CHRNA1: variants seen among roughly 807,000 people sequenced by gnomAD.
CHRNA1 encodes the protein cholinergic receptor nicotinic alpha 1 subunit, also known as acetylcholine receptor subunit alpha.
Under a neutral mutation model 47.1 loss-of-function variants are expected in CHRNA1, and 35 were observed. That is an observed-to-expected ratio of 0.74 (90% CI 0.57 to 0.99). The LOEUF (loss-of-function observed/expected upper bound fraction) is 0.99, where lower values mean the gene tolerates loss of function less well. CHRNA1 is among the 50% of genes least tolerant of loss of function. The pLI is 0.00. For missense variants in CHRNA1, 506 were observed against 591.1 expected (o/e 0.86, Z 1.49); for synonymous variants, 229 against 223.6 (o/e 1.02, Z -0.22).
Position 174,754,243 on chromosome 2 carries a change from G to A in CHRNA1, c.516C>T (p.Asp172=), listed in dbSNP as rs777255132. The change falls in exon 5 of 9, where the codon GAC becomes GAT. Residue 172 remains aspartate (D), a synonymous_variant. Transcript: ENST00000348749. ...CCGGGTTGATGGCCACGACAGAGCC[G>A]TCGTAGGTCCAGGTGCCCAGCTTCA... is the stretch of plus-strand genomic sequence containing the variant. ...CSMKLGTWTY[D]GSVVAINPES... is the part of the protein sequence containing the mutation. 39 of 1,613,696 alleles carry A rather than the reference G, an allele frequency of 2.4e-5. No individual in the cohort carries two copies. Among genetic ancestry groups the A allele is most frequent in the African/African-American group, 1.2e-4 (9 of 74,924 alleles).
At chr2:174,764,261 C>A in intron 1 of CHRNA1, 91 bp downstream of exon 1, 3 of 1,357,046 alleles carry the variant, frequency 2.2e-6, no homozygotes, top group Non-Finnish European at 2.1e-6. Context: ...ATTCTGTGGT[C>A]TCATCAAAGA....
intron 1 of CHRNA1, among the ~76,000 whole-genome samples, chr2:174,761,703 A>G (rs895465170): frequency 6.6e-6 from 1 of 152,166 alleles, no homozygotes; most frequent in Non-Finnish European, 1.5e-5. Flanking sequence ...CCCTAAAGCC[A>G]CCTGCATTTG....
rs531470403 is a variant in CHRNA1, at chr2:174,747,859, T to G, written c.*265A>C. 3 of 431,228 alleles carry G rather than the reference T, an allele frequency of 7.0e-6. No homozygotes were observed. The highest frequency in any genetic ancestry group is 6.0e-5 in the African/African-American group (3 of 49,838). The allele number at this position is 431,228 out of a possible 1,614,324, so 26.7% of individuals were successfully genotyped here. A position where few individuals can be genotyped will look rare whatever the true frequency, so the allele number is the denominator to read the frequency against. ...TCCTGGCAAAAACTCTTCCAGACACTGGAAATGAACACTTTTTTTAGTGAT... is the reference window on the plus strand; with the variant it reads ...TCCTGGCAAAAACTCTTCCAGACACGGGAAATGAACACTTTTTTTAGTGAT... On this transcript the variant is annotated 3_prime_UTR_variant, in exon 9 of 9. Coordinates refer to ENST00000348749, the MANE Select transcript of CHRNA1 (RefSeq NM_000079.4).
chr2:174,750,180 C>A lies in CHRNA1; in HGVS notation c.779-11G>T, dbSNP rs1249456161. On this transcript the variant is annotated splice_polypyrimidine_tract_variant and intron_variant, in intron 6 of 8. Coordinates refer to ENST00000348749, the MANE Select transcript of CHRNA1 (RefSeq NM_000079.4). ...GAGTCATCTTCTCCCCTGAAAAGAC[C>A]AAAAAAAAAAAAAAAAATCCCACAA... The A allele has an allele frequency of 1.1e-4, 162 of 1,431,116 alleles. No individual in the cohort carries two copies. Among genetic ancestry groups the A allele is most frequent in the Admixed American group, 6.3e-4 (34 of 53,772 alleles). 88.7% of individuals were successfully genotyped at this position (1,431,116 alleles called of 1,614,324 possible). A position where few individuals can be genotyped will look rare whatever the true frequency, so the allele number is the denominator to read the frequency against.
At chr2:174,757,789 A>C (rs931089343) in intron 3 of CHRNA1, 114 bp from the exon 4 acceptor site, 1 of 1,092,754 alleles carries the variant, frequency 9.2e-7, no homozygotes, top group Non-Finnish European at 1.4e-6. Flanking sequence ...TTGTGCTTCC[A>C]TAAGAAAAGT....
rs555234118 is a variant in CHRNA1, at chr2:174,758,975, A to G, written c.234+356T>C. 9.2e-5 allele frequency among the ~76,000 whole-genome samples: 14 copies of G among 152,258 alleles called. No homozygotes were observed. In the East Asian group the frequency reaches 2.3e-3, roughly 25 times the overall value. ...CATCTGAACATAAAGACAGTCATCT[A>G]CAAGCTGAAGAGAGAGTCCTAGGAC... On this transcript the variant is annotated intron_variant, in intron 3 of 8. Transcript: ENST00000348749.
At chr2:174,748,917 T>TCA in intron 7 of CHRNA1, 98 bp from the exon 8 acceptor site, 1 of 1,517,150 alleles carries the variant, frequency 6.6e-7, no homozygotes, top group Non-Finnish European at 8.9e-7. Flanking sequence ...GGTAAGTCAT[T>TCA]CAGTTTTTCT....
intron 1 of CHRNA1, among the ~76,000 whole-genome samples, chr2:174,760,790 G>A (rs1432643807): frequency 6.6e-6 from 1 of 152,172 alleles, no homozygotes. Flanking sequence ...TTAAAATAGA[G>A]TGAAAACTGT....
intron 8 of CHRNA1, 144 bp downstream of exon 8, chr2:174,748,435 TG>T: frequency 1.5e-6 from 2 of 1,356,168 alleles, no homozygotes; most frequent in Non-Finnish European, 2.0e-6. Context: ...CTTACTAAGG[TG>T]GTCTAGAGGC....
In CHRNA1 at chr2:174,747,828, C is replaced by T. The variant is rs765084448; in HGVS notation, c.*296G>A. On this transcript the variant is annotated 3_prime_UTR_variant, in exon 9 of 9. Transcript: ENST00000348749. ...GCAATGACAATGCAACAGAAAACCT[C>T]GGTTATCCTGGCAAAAACTCTTCCA... 2.4e-5 allele frequency: 9 copies of T among 373,652 alleles called. No homozygotes were observed. Among genetic ancestry groups the T allele is most frequent in the Admixed American group, 7.6e-5 (2 of 26,248 alleles). 23.1% of individuals were successfully genotyped at this position (373,652 alleles called of 1,614,324 possible).
chr2:174,747,771 T>C lies in CHRNA1; in HGVS notation c.*353A>G. 1 of 316,366 alleles carries C rather than the reference T, an allele frequency of 3.2e-6. No individual in the cohort carries two copies. Among genetic ancestry groups the C allele is most frequent in the Non-Finnish European group, 6.2e-6 (1 of 162,290 alleles). 19.6% of individuals were successfully genotyped at this position (316,366 alleles called of 1,614,324 possible). On this transcript the variant is annotated 3_prime_UTR_variant, in exon 9 of 9. Transcript: ENST00000348749. ...AGCAACTCCCTAGTGGTCTCGTGGT[T>C]AGACAAAATAAGTAAATATATAAAT...
intron 6 of CHRNA1, 63 bp downstream of exon 6, chr2:174,753,439 TC>T: frequency 6.9e-7 from 1 of 1,450,622 alleles, no homozygotes; most frequent in South Asian, 1.1e-5. Flanking sequence ...ATTTCTGGCT[TC>T]CCCAAAATAG....
At position 174,750,345 on chromosome 2, in the gene CHRNA1, TG is replaced by T. The variant is rs1228123402; in HGVS notation, c.779-177del. Among the ~76,000 whole-genome samples, 3 of 152,018 alleles carry T rather than the reference TG, an allele frequency of 2.0e-5. No homozygotes were observed. The East Asian group carries it at 5.8e-4, about 29-fold the overall frequency. ...GTAATTAAATGAAAACGAGGTGATA[TG>T]GGGTAGTGAGTAATCAAGTATGACT... On this transcript the variant is annotated intron_variant, in intron 6 of 8. Coordinates refer to ENST00000348749, the MANE Select transcript of CHRNA1 (RefSeq NM_000079.4).
chr2:174,759,321 G>C lies in CHRNA1; in HGVS notation c.234+10C>G. On this transcript the variant is annotated intron_variant, in intron 3 of 8. Coordinates refer to ENST00000348749, the MANE Select transcript of CHRNA1 (RefSeq NM_000079.4). ...AAAACGACACACATGCAATTATCTG[G>C]CTAAGTTACCTGTTTCAGACGCACA... is the stretch of plus-strand genomic sequence containing the variant. 1 of 1,613,844 alleles carries C rather than the reference G, an allele frequency of 6.2e-7. No individual in the cohort carries two copies. Among genetic ancestry groups the C allele is most frequent in the Non-Finnish European group, 8.5e-7 (1 of 1,179,792 alleles).
chr2:174,757,995 G>A (rs749874154), intron 3 of CHRNA1: 4 of 1,613,338 alleles, frequency 2.5e-6, no homozygotes, highest in Middle Eastern at 1.7e-4. Flanking sequence ...CACGCAGCTG[G>A]GGCGTGGCAG....
At position 174,748,066 on chromosome 2, in the gene CHRNA1, C is replaced by T. The variant is rs1400097821; in HGVS notation, c.*58G>A. The T allele has an allele frequency of 3.1e-6, 5 of 1,607,946 alleles. No homozygotes were observed. The African/African-American group carries it at 6.7e-5, about 21-fold the overall frequency. ...GAGCAAGTAGACAAATCTTCCTCTC[C>T]TGCCCTTCTCTGCTCTGGTAGGTTC... is the stretch of plus-strand genomic sequence containing the variant. On this transcript the variant is annotated 3_prime_UTR_variant, in exon 9 of 9. Coordinates refer to ENST00000348749, the MANE Select transcript of CHRNA1 (RefSeq NM_000079.4).
intron 6 of CHRNA1, among the ~76,000 whole-genome samples, chr2:174,750,859 G>A (rs1360464795): frequency 2.6e-5 from 4 of 152,122 alleles, no homozygotes; most frequent in Non-Finnish European, 5.9e-5. Context: ...AGCTGGACTC[G>A]GTGTGGCATT....
At chr2:174,755,627 C>G (rs1368607799) in intron 4 of CHRNA1, among the ~76,000 whole-genome samples, 4 of 152,050 alleles carry the variant, frequency 2.6e-5, no homozygotes, top group Non-Finnish European at 5.9e-5. Flanking sequence ...ACCATGTTAG[C>G]CAGGATGGTC....
chr2:174,754,451 G>A lies in CHRNA1; in HGVS notation c.345-37C>T, dbSNP rs764086022. ...ATAAAAGAGGAAAATGGCTCCAAGT[G>A]ACAGATGAGCCTTCCATTCTGCTTG... On this transcript the variant is annotated intron_variant, in intron 4 of 8. Transcript: ENST00000348749. 4 of 1,575,304 alleles carry A rather than the reference G, an allele frequency of 2.5e-6. No individual in the cohort carries two copies. The East Asian group carries it at 9.0e-5, about 35-fold the overall frequency.
Sources: allele counts gnomAD v4.1 joint callset (sites outside exome capture counted in the v4.1 genomes callset), GRCh38; gene constraint gnomAD v4.1.1; transcripts MANE v1.5; gene names NCBI Gene and HGNC (gene_info 2026-07-23, HGNC 2026-07-21).